EYA1: variants seen among roughly 807,000 people sequenced by gnomAD.
The protein encoded by EYA1 is EYA transcriptional coactivator and phosphatase 1.
EYA1 carries 16 observed loss-of-function variants against 82.0 expected under a neutral mutation model. That is an observed-to-expected ratio of 0.20 (90% CI 0.13 to 0.30). The LOEUF (loss-of-function observed/expected upper bound fraction) is 0.30, where lower values mean the gene tolerates loss of function less well. Among genes scored for constraint, EYA1 ranks in the 10% least tolerant of loss-of-function variants. The pLI is 1.00. For synonymous variants in EYA1, 261 were observed against 264.4 expected (o/e 0.99, Z 0.12); for missense variants, 633 against 730.7 (o/e 0.87, Z 1.54).
chr8:71,220,420 T>A (rs1809749942), intron 12 of EYA1, among the ~76,000 whole-genome samples: 1 of 152,122 alleles, frequency 6.6e-6, no homozygotes, highest in African/African-American at 2.4e-5. Context: ...ATCCCTGCTG[T>A]GTTTGGGGAT....
At chr8:71,342,359 T>A (rs774410911) in intron 3 of EYA1, among the ~76,000 whole-genome samples, 3 of 152,178 alleles carry the variant, frequency 2.0e-5, no homozygotes, top group Non-Finnish European at 2.9e-5. Flanking sequence ...TCCCAAACTA[T>A]CCTACCTTTG....
chr8:71,543,178 C>T (rs1309874309), intron 1 of EYA1, among the ~76,000 whole-genome samples: 1 of 152,100 alleles, frequency 6.6e-6, no homozygotes, highest in Admixed American at 6.6e-5. Flanking sequence ...TTGGGTTTTA[C>T]ATTTATCCTT....
In EYA1 at chr8:71,245,015, G is replaced by C. The variant is rs116950892; in HGVS notation, c.1051-323C>G. ...ATTCAACTTTTTATGTCTATTTCAG[G>C]AGCAAAAAATTCAGTGAATCAAGTA... On this transcript the variant is annotated intron_variant, in intron 11 of 17. Transcript: ENST00000340726. Among the ~76,000 whole-genome samples the C allele has an allele frequency of 0.016, 2,373 of 152,164 alleles. 39 individuals carry two copies. Among genetic ancestry groups the C allele is most frequent in the Non-Finnish European group, 0.017 (1,173 of 67,986 alleles).
At chr8:71,411,072 GC>G (rs1830565140) in intron 2 of EYA1, among the ~76,000 whole-genome samples, 2 of 4,568 alleles carry the variant, frequency 4.4e-4, no homozygotes, top group South Asian at 0.011. Flanking sequence ...CAGAAATAAC[GC>G]CGCATACCTA....
chr8:71,284,249 C>T (rs200359156), intron 9 of EYA1, among the ~76,000 whole-genome samples: 1 of 152,234 alleles, frequency 6.6e-6, no homozygotes, highest in East Asian at 1.9e-4. Flanking sequence ...GGAACCCTCA[C>T]TGACTCCAGT....
chr8:71,456,585 C>A (rs1272449515), intron 2 of EYA1, among the ~76,000 whole-genome samples: 2 of 151,880 alleles, frequency 1.3e-5, no homozygotes, highest in African/African-American at 4.8e-5. Flanking sequence ...CAGAACAGAG[C>A]CCTCAGAAAT....
intron 2 of EYA1, among the ~76,000 whole-genome samples, chr8:71,464,441 C>T (rs1375678642): frequency 6.6e-6 from 1 of 152,224 alleles, no homozygotes; most frequent in East Asian, 1.9e-4. Context: ...AAACAGCCAT[C>T]TTCATCGTTT....
At chr8:71,406,530 G>T (rs993486523) in intron 2 of EYA1, among the ~76,000 whole-genome samples, 1 of 152,178 alleles carries the variant, frequency 6.6e-6, no homozygotes, top group Admixed American at 6.5e-5. Flanking sequence ...CCGTGTGCGA[G>T]CCGAAGCAGG....
chr8:71,412,733 C>T (rs988887785), intron 2 of EYA1, among the ~76,000 whole-genome samples: 1 of 152,202 alleles, frequency 6.6e-6, no homozygotes, highest in South Asian at 2.1e-4. Flanking sequence ...CCTACTTAAA[C>T]TGCTCTGGGC....
intron 2 of EYA1, among the ~76,000 whole-genome samples, chr8:71,408,157 C>T (rs373864671): frequency 6.6e-6 from 1 of 151,954 alleles, no homozygotes. Flanking sequence ...AAATACTTTA[C>T]AGACAAGCAA....
intron 3 of EYA1, among the ~76,000 whole-genome samples, chr8:71,343,915 C>T (rs115582792): frequency 1.3e-3 from 193 of 152,216 alleles, no homozygotes; most frequent in African/African-American, 4.5e-3. Context: ...ATTTATCATA[C>T]AGACAGGAAA....
At chr8:71,446,447 G>GA (rs1450228470) in intron 2 of EYA1, among the ~76,000 whole-genome samples, 4 of 152,128 alleles carry the variant, frequency 2.6e-5, no homozygotes, top group Admixed American at 2.6e-4. Context: ...AAGCCATGCA[G>GA]AACTGTGAGT....
chr8:71,306,927 A>C (rs1487609090), intron 7 of EYA1, among the ~76,000 whole-genome samples: 1 of 152,196 alleles, frequency 6.6e-6, no homozygotes, highest in Non-Finnish European at 1.5e-5. Context: ...GAGATGGATA[A>C]ACCATGTCTG....
At chr8:71,378,352 T>C (rs1257655867) in intron 2 of EYA1, among the ~76,000 whole-genome samples, 1 of 152,168 alleles carries the variant, frequency 6.6e-6, no homozygotes, top group African/African-American at 2.4e-5. Context: ...TGGAAACTCA[T>C]GCACTGTTTA....
At chr8:71,477,198 C>A (rs1809732106) in intron 2 of EYA1, among the ~76,000 whole-genome samples, 1 of 151,932 alleles carries the variant, frequency 6.6e-6, no homozygotes, top group Non-Finnish European at 1.5e-5. Context: ...ACCAAAAATA[C>A]AAGCAATAAC....
At chr8:71,542,735 G>C (rs1815245523) in intron 1 of EYA1, among the ~76,000 whole-genome samples, 1 of 152,062 alleles carries the variant, frequency 6.6e-6, no homozygotes, top group South Asian at 2.1e-4. Context: ...GTTATTTTCT[G>C]ACTTTTTAAT....
chr8:71,336,625 T>C (rs1255483377), intron 3 of EYA1, among the ~76,000 whole-genome samples: 1 of 152,178 alleles, frequency 6.6e-6, no homozygotes, highest in Admixed American at 6.5e-5. Context: ...CAATTATACT[T>C]GAAATCCATT....
At chr8:71,421,346 T>C (rs1831138019) in intron 2 of EYA1, among the ~76,000 whole-genome samples, 2 of 152,136 alleles carry the variant, frequency 1.3e-5, no homozygotes, top group Admixed American at 1.3e-4. Flanking sequence ...CACTTCCTAG[T>C]CCCACTACTT....
intron 8 of EYA1, 82 bp from the exon 9 acceptor site, chr8:71,299,315 G>T: frequency 6.9e-7 from 1 of 1,447,134 alleles, no homozygotes; most frequent in Non-Finnish European, 9.7e-7. Context: ...CTGTAAGTAT[G>T]TTTGGGTTTC....
Sources: allele counts gnomAD v4.1 joint callset (sites outside exome capture counted in the v4.1 genomes callset), GRCh38; gene constraint gnomAD v4.1.1; transcripts MANE v1.5; gene names NCBI Gene and HGNC (gene_info 2026-07-23, HGNC 2026-07-21).